The following ARHGAP6 variants were observed in gnomAD, a reference collection of about 807,000 sequenced individuals.
ARHGAP6 encodes rho GTPase-activating protein 6.
In ARHGAP6, 16 loss-of-function variants were observed where a neutral mutation model predicts 55.7. The ratio of observed to expected loss-of-function variants is 0.29; its 90% confidence interval spans 0.19 to 0.44. The LOEUF is 0.44. ARHGAP6 is among the 20% of genes least tolerant of loss of function. ARHGAP6 has a pLI of 1.00. For missense variants in ARHGAP6, 698 were observed against 808.9 expected (o/e 0.86, Z 1.66); for synonymous variants, 382 against 360.9 (o/e 1.06, Z -0.66).
chrX:11,654,656 A>G (rs896565492), intron 1 of ARHGAP6, among the ~76,000 whole-genome samples: 3 of 111,645 alleles, frequency 2.7e-5, no homozygotes, highest in African/African-American at 9.8e-5. Context: ...GCTTGCTTTC[A>G]AAGTGCAATA....
At chrX:11,245,104 T>G (rs1219566717) in intron 2 of ARHGAP6, among the ~76,000 whole-genome samples, 5 of 111,176 alleles carry the variant, frequency 4.5e-5, no homozygotes, top group Non-Finnish European at 9.4e-5. Context: ...TTTACCAGAG[T>G]GGGTGGATGA....
intron 1 of ARHGAP6, among the ~76,000 whole-genome samples, chrX:11,400,793 G>A (rs998198026): frequency 1.8e-5 from 2 of 112,041 alleles, no homozygotes; most frequent in African/African-American, 3.2e-5. Context: ...TGACTGTGCC[G>A]TATTGTATTT....
At chrX:11,495,715 G>C (rs1200991028) in intron 1 of ARHGAP6, among the ~76,000 whole-genome samples, 1 of 112,041 alleles carries the variant, frequency 8.9e-6, no homozygotes, top group East Asian at 2.8e-4. Context: ...TTCCCTTTGA[G>C]CGTGAGCTGG....
intron 2 of ARHGAP6, among the ~76,000 whole-genome samples, chrX:11,217,350 A>G (rs1486684634): frequency 9.0e-6 from 1 of 111,725 alleles, no homozygotes; most frequent in Non-Finnish European, 1.9e-5. Flanking sequence ...AAGCATTCCT[A>G]TTTCTCCACA....
At chrX:11,502,187 C>T (rs775224529) in intron 1 of ARHGAP6, among the ~76,000 whole-genome samples, 2 of 112,660 alleles carry the variant, frequency 1.8e-5, no homozygotes, top group African/African-American at 3.2e-5. Flanking sequence ...ACATTAATTA[C>T]AACTACATGT....
intron 1 of ARHGAP6, among the ~76,000 whole-genome samples, chrX:11,417,337 T>C (rs910702894): frequency 6.7e-5 from 7 of 105,108 alleles, no homozygotes; most frequent in Admixed American, 1.0e-4. Context: ...AGGGCAGGAG[T>C]AGGGTGGATG....
intron 1 of ARHGAP6, among the ~76,000 whole-genome samples, chrX:11,262,235 A>C (rs1242672669): frequency 3.6e-5 from 4 of 111,801 alleles, no homozygotes; most frequent in Non-Finnish European, 5.6e-5. Context: ...TTTGAAAACA[A>C]TAGAGTCTTG....
intron 3 of ARHGAP6, among the ~76,000 whole-genome samples, chrX:11,190,300 T>C (rs1051353585): frequency 1.8e-5 from 2 of 110,684 alleles, no homozygotes; most frequent in Non-Finnish European, 3.8e-5. Context: ...CTAGGTGATA[T>C]ATGGTAATAA....
chrX:11,260,318 A>G (rs2047541989), intron 1 of ARHGAP6, among the ~76,000 whole-genome samples: 1 of 111,324 alleles, frequency 9.0e-6, no homozygotes, highest in Admixed American at 9.6e-5. Flanking sequence ...TGAATTCAAG[A>G]GTAAGGGGGA....
intron 1 of ARHGAP6, among the ~76,000 whole-genome samples, chrX:11,258,678 C>T (rs1022300005): frequency 1.8e-5 from 2 of 111,612 alleles, no homozygotes; most frequent in Admixed American, 9.5e-5. Context: ...TTCAAGTTTA[C>T]TTTAGTCCAT....
chrX:11,138,812 G>C lies in ARHGAP6; in HGVS notation c.*51C>G. ...GTGGCCACCACCCACGGTCCCCCCT[G>C]GGCTGGAGGGCGGGGGGCTCGGGGC... On this transcript the variant is annotated 3_prime_UTR_variant, in exon 13 of 13. Coordinates refer to ENST00000337414, the MANE Select transcript of ARHGAP6 (RefSeq NM_013427.3). The C allele has an allele frequency of 8.8e-7, 1 of 1,133,244 alleles. No individual in the cohort carries two copies. Among genetic ancestry groups the C allele is most frequent in the African/African-American group, 1.8e-5 (1 of 55,947 alleles). 93.4% of individuals were successfully genotyped at this position (1,133,244 alleles called of 1,213,427 possible).
chrX:11,266,033 C>T (rs1427256431), intron 1 of ARHGAP6: 2 of 168,428 alleles, frequency 1.2e-5, no homozygotes, highest in South Asian at 1.1e-4. Flanking sequence ...GCGTGTGTGC[C>T]TGTGTGTGTG....
intron 1 of ARHGAP6, among the ~76,000 whole-genome samples, chrX:11,503,230 C>A (rs1231975853): frequency 2.7e-5 from 3 of 110,964 alleles, no homozygotes; most frequent in Non-Finnish European, 5.7e-5. Context: ...AGGGTAGGAA[C>A]CCCTAACCCC....
chrX:11,534,960 G>A (rs1438144505), intron 1 of ARHGAP6, among the ~76,000 whole-genome samples: 1 of 111,398 alleles, frequency 9.0e-6, no homozygotes, highest in East Asian at 2.8e-4. Flanking sequence ...GAACAGTGCG[G>A]AGACAGTATC....
chrX:11,439,250 G>T (rs1328151859), intron 1 of ARHGAP6, among the ~76,000 whole-genome samples: 1 of 112,411 alleles, frequency 8.9e-6, no homozygotes, highest in African/African-American at 3.2e-5. Flanking sequence ...GAGTAAAATT[G>T]TTTTTACATT....
intron 1 of ARHGAP6, among the ~76,000 whole-genome samples, chrX:11,632,178 A>G (rs2052368287): frequency 8.9e-6 from 1 of 112,725 alleles, no homozygotes. Context: ...TACTTAAAAC[A>G]TGCAGGTATT....
chrX:11,373,743 G>T (rs931126590), intron 1 of ARHGAP6, among the ~76,000 whole-genome samples: 6 of 111,918 alleles, frequency 5.4e-5, no homozygotes, highest in African/African-American at 1.9e-4. Flanking sequence ...GGTGGAGTTA[G>T]TGGGTAAATT....
chrX:11,644,327 A>C (rs1185891630), intron 1 of ARHGAP6, among the ~76,000 whole-genome samples: 1 of 110,632 alleles, frequency 9.0e-6, no homozygotes, highest in Non-Finnish European at 1.9e-5. Context: ...CTACAACCAC[A>C]CTGTTACCAG....
At chrX:11,626,882 A>C (rs936788194) in intron 1 of ARHGAP6, among the ~76,000 whole-genome samples, 1 of 111,929 alleles carries the variant, frequency 8.9e-6, no homozygotes, top group Admixed American at 9.5e-5. Flanking sequence ...AGAAAGAGAT[A>C]AAACAGCCCA....
Sources: allele counts gnomAD v4.1 joint callset (sites outside exome capture counted in the v4.1 genomes callset), GRCh38; gene constraint gnomAD v4.1.1; transcripts MANE v1.5; gene names NCBI Gene and HGNC (gene_info 2026-07-23, HGNC 2026-07-21).